Variants in NHSL2 observed in about 807,000 individuals in gnomAD.
The protein encoded by NHSL2 is NHS like 2, also known as NHS-like protein 2.
NHSL2 carries 27 observed loss-of-function variants against 53.4 expected under a neutral mutation model. That is an observed-to-expected ratio of 0.51 (90% CI 0.37 to 0.70). NHSL2 has a LOEUF of 0.70. NHSL2 is among the 30% of genes least tolerant of loss of function. The pLI is 0.00. For missense variants in NHSL2, 892 were observed against 980.1 expected (o/e 0.91, Z 1.20); for synonymous variants, 408 against 404.1 (o/e 1.01, Z -0.12).
At chrX:71,945,222 A>G (rs911363272) in intron 1 of NHSL2, among the ~76,000 whole-genome samples, 13 of 112,274 alleles carry the variant, frequency 1.2e-4, no homozygotes, top group African/African-American at 2.9e-4. Flanking sequence ...GAAGACGGAA[A>G]GGTTAAGATA....
intron 1 of NHSL2, among the ~76,000 whole-genome samples, chrX:72,021,043 A>G (rs765387777): frequency 2.9e-5 from 3 of 104,491 alleles, no homozygotes; most frequent in African/African-American, 1.2e-4. Flanking sequence ...GTGTGTACAC[A>G]CACACACGCG....
chrX:72,122,401 T>C lies in NHSL2; in HGVS notation c.281-9678T>C, dbSNP rs771262875. ...CAATAACACTACCTACCTTATAGGG[T>C]TGTGATGATTCAATGGGTTAAGAAA... On this transcript the variant is annotated intron_variant, in intron 1 of 7. Coordinates refer to ENST00000633930, the MANE Select transcript of NHSL2 (RefSeq NM_001013627.3). Among the ~76,000 whole-genome samples the C allele has an allele frequency of 7.1e-5, 8 of 112,799 alleles. No individual in the cohort carries two copies. In the South Asian group the frequency reaches 2.5e-3, roughly 36 times the overall value.
intron 1 of NHSL2, among the ~76,000 whole-genome samples, chrX:71,992,882 A>G (rs1021796992): frequency 9.0e-6 from 1 of 111,641 alleles, no homozygotes; most frequent in African/African-American, 3.3e-5. Flanking sequence ...TGGTGTTGGT[A>G]TGACTGTGGG....
At chrX:71,935,480 C>T (rs2041733786) in intron 1 of NHSL2, among the ~76,000 whole-genome samples, 1 of 112,959 alleles carries the variant, frequency 8.9e-6, no homozygotes, top group African/African-American at 3.2e-5. Flanking sequence ...AAATGTGTAG[C>T]CTGTTGCCTA....
intron 1 of NHSL2, among the ~76,000 whole-genome samples, chrX:71,926,329 G>A (rs1569463259): frequency 1.8e-5 from 2 of 112,183 alleles, no homozygotes; most frequent in Non-Finnish European, 3.8e-5. Flanking sequence ...GGAGATACAG[G>A]AGTGAACAAG....
chrX:71,982,430 T>C (rs1264144362), intron 1 of NHSL2, among the ~76,000 whole-genome samples: 2 of 111,698 alleles, frequency 1.8e-5, no homozygotes, highest in Non-Finnish European at 3.8e-5. Flanking sequence ...ACTCCGAAAA[T>C]CCTTGGAGTC....
At chrX:72,088,053 A>C (rs867205647) in intron 1 of NHSL2, among the ~76,000 whole-genome samples, 2 of 110,211 alleles carry the variant, frequency 1.8e-5, no homozygotes, top group Non-Finnish European at 1.9e-5. Context: ...CAACATGGAG[A>C]AACCCCGTCT....
intron 1 of NHSL2, among the ~76,000 whole-genome samples, chrX:71,973,451 C>T (rs1265322042): frequency 8.9e-6 from 1 of 112,067 alleles, no homozygotes; most frequent in Non-Finnish European, 1.9e-5. Flanking sequence ...CAGGCATGAA[C>T]TTCTCCATGC....
chrX:72,129,658 G>A (rs1019059041), intron 1 of NHSL2: 32 of 482,764 alleles, frequency 6.6e-5, no homozygotes, highest in South Asian at 3.6e-5. Context: ...GGCACACGTC[G>A]CTCTCTGGTC....
intron 1 of NHSL2, among the ~76,000 whole-genome samples, chrX:72,120,948 G>A (rs778884553): frequency 4.9e-4 from 55 of 112,668 alleles, no homozygotes; most frequent in Non-Finnish European, 5.8e-4. Context: ...AAATATGAGG[G>A]CCTGGGGAAG....
rs772090162 is a variant in NHSL2, at chrX:72,139,357, C to T, written c.1809C>T (p.Leu603=). Reference sequence around the variant, plus strand: ...ACCAGAGGCCCAAGAGCCTTTGCCTCTCCTTGGAACATCAAGGACATCACT... The same window carrying T: ...ACCAGAGGCCCAAGAGCCTTTGCCTTTCCTTGGAACATCAAGGACATCACT... ...PKDQRPKSLC[L]SLEHQGHHSS... The change falls in exon 6 of 8, where the codon CTC becomes CTT. Residue 603 remains leucine, a synonymous_variant. Coordinates refer to ENST00000633930, the MANE Select transcript of NHSL2 (RefSeq NM_001013627.3). 5 of 1,209,830 alleles carry T rather than the reference C, an allele frequency of 4.1e-6. No homozygotes were observed. The Admixed American group carries it at 8.7e-5, about 21-fold the overall frequency.
chrX:71,995,365 CCTCTACTGGAT>C (rs2147879939), intron 1 of NHSL2, among the ~76,000 whole-genome samples: 1 of 111,813 alleles, frequency 8.9e-6, no homozygotes, highest in East Asian at 2.8e-4. Context: ...TGCTCAAAAC[CCTCTACTGGAT>C]CTCTATTTCA....
chrX:71,951,785 T>C (rs1431308104), intron 1 of NHSL2, among the ~76,000 whole-genome samples: 1 of 112,477 alleles, frequency 8.9e-6, no homozygotes, highest in African/African-American at 3.2e-5. Flanking sequence ...ACCTCTGGAC[T>C]CTCCACATGC....
At chrX:71,949,606 C>T (rs2041810621) in intron 1 of NHSL2, among the ~76,000 whole-genome samples, 2 of 111,886 alleles carry the variant, frequency 1.8e-5, no homozygotes, top group African/African-American at 6.5e-5. Context: ...CTGAGCTCCC[C>T]CACCACAGCC....
chrX:72,013,187 T>C (rs1289013299), intron 1 of NHSL2, among the ~76,000 whole-genome samples: 1 of 112,419 alleles, frequency 8.9e-6, no homozygotes, highest in East Asian at 2.8e-4. Flanking sequence ...TTTCTTTCTC[T>C]ATTTAGGTCT....
chrX:71,988,891 A>C (rs1447041434), intron 1 of NHSL2, among the ~76,000 whole-genome samples: 1 of 112,126 alleles, frequency 8.9e-6, no homozygotes, highest in African/African-American at 3.2e-5. Flanking sequence ...CAGTCTGTTT[A>C]CCAATTTCTG....
rs1198684160 is a variant in NHSL2 at position 72,149,604 on chromosome X, A to G, written c.*6030A>G. 5.3e-5 allele frequency: 6 copies of G among 112,452 alleles called. No individual in the cohort carries two copies. Among genetic ancestry groups the G allele is most frequent in the Admixed American group, 9.5e-5 (1 of 10,582 alleles). The allele number at this position is 112,452 out of a possible 1,213,427, so 9.3% of individuals were successfully genotyped here. A position where few individuals can be genotyped will look rare whatever the true frequency, so the allele number is the denominator to read the frequency against. ...TGTGTATCATGGCGAAGAAATATCA[A>G]TATATGTATGTGCTGAGGTCTTCTG... On this transcript the variant is annotated 3_prime_UTR_variant, in exon 8 of 8. Transcript: ENST00000633930.
intron 1 of NHSL2, among the ~76,000 whole-genome samples, chrX:71,973,802 C>T (rs778317471): frequency 1.6e-4 from 18 of 111,669 alleles, no homozygotes; most frequent in Non-Finnish European, 3.2e-4. Context: ...GAAGCCCAGT[C>T]CTCTTGGCCA....
intron 1 of NHSL2, among the ~76,000 whole-genome samples, chrX:71,967,799 A>C (rs1279976317): frequency 9.0e-6 from 1 of 111,314 alleles, no homozygotes; most frequent in East Asian, 2.8e-4. Flanking sequence ...ATTTCTGTTC[A>C]TGAGTTTCTC....
Sources: allele counts gnomAD v4.1 joint callset (sites outside exome capture counted in the v4.1 genomes callset), GRCh38; gene constraint gnomAD v4.1.1; transcripts MANE v1.5; gene names NCBI Gene and HGNC (gene_info 2026-07-23, HGNC 2026-07-21).